RAB27B: variants seen among roughly 807,000 people sequenced by gnomAD.
RAB27B encodes ras-related protein Rab-27B.
A neutral mutation model predicts 24.6 loss-of-function variants in RAB27B; 15 were observed. That is an observed-to-expected ratio of 0.61 (90% CI 0.41 to 0.94). RAB27B has a LOEUF of 0.94. RAB27B is among the 40% of genes least tolerant of loss of function. The pLI, the probability that RAB27B is intolerant of heterozygous loss-of-function variation, is 0.00. For synonymous variants in RAB27B, 105 were observed against 92.5 expected, an observed-to-expected ratio of 1.14 and a Z score of -0.78; for missense variants, 261 against 266.8, an observed-to-expected ratio of 0.98 and a Z score of 0.15.
intron 2 of RAB27B, among the ~76,000 whole-genome samples, chr18:54,792,295 G>A (rs188312871): frequency 3.9e-5 from 6 of 152,200 alleles, no homozygotes; most frequent in African/African-American, 1.2e-4. Flanking sequence ...CACCCCCATC[G>A]CATGCCCTTT....
At chr18:54,801,018 T>G (rs1458504564) in intron 2 of RAB27B, among the ~76,000 whole-genome samples, 9 of 144,752 alleles carry the variant, frequency 6.2e-5, no homozygotes, top group East Asian at 4.0e-4. Flanking sequence ...GTTTTTTTTT[T>G]TTTTTTTTTT....
intron 2 of RAB27B, among the ~76,000 whole-genome samples, chr18:54,737,537 T>C (rs931008493): frequency 2.0e-5 from 3 of 152,186 alleles, no homozygotes; most frequent in African/African-American, 7.2e-5. Context: ...TAGGATATAT[T>C]TATCCAACTC....
In RAB27B at chr18:54,890,801, T is replaced by C. The variant is rs989210453; in HGVS notation, c.*1388T>C. ...AAAAACTGGCCAGTATTTTTGTTAA[T>C]GTAAAGCTTCCTTTTCTTTCTAAAA... is the stretch of plus-strand genomic sequence containing the variant. On this transcript the variant is annotated 3_prime_UTR_variant, in exon 6 of 6. Coordinates refer to ENST00000262094, the MANE Select transcript of RAB27B (RefSeq NM_004163.4). The C allele has an allele frequency of 8.5e-5, 13 of 152,148 alleles. No homozygotes were observed. Among genetic ancestry groups the C allele is most frequent in the African/African-American group, 2.9e-4 (12 of 41,446 alleles). The allele number at this position is 152,148 out of a possible 1,614,324, so 9.4% of individuals were successfully genotyped here.
At position 54,819,531 on chromosome 18, in the gene RAB27B, CA is replaced by C. The variant is rs33940922; in HGVS notation, c.-19-58020del. Among the ~76,000 whole-genome samples, 248 of 65,156 alleles carry C rather than the reference CA, an allele frequency of 3.8e-3. 3 individuals are homozygous for C. The highest frequency in any genetic ancestry group is 9.3e-3 in the Middle Eastern group (1 of 108). The allele number at this position is 65,156 out of a possible 152,430, so 42.7% of individuals were successfully genotyped here. A position where few individuals can be genotyped will look rare whatever the true frequency, so the allele number is the denominator to read the frequency against. On this transcript the variant is annotated intron_variant, in intron 2 of 4. Coordinates refer to the RAB27B transcript ENST00000586570. ...TGGGCGACAGAACAAGACTCCATCTCAAAAAAAAAAAAAAAAGAAAAAAAAA... is the reference window on the plus strand; with the variant it reads ...TGGGCGACAGAACAAGACTCCATCTCAAAAAAAAAAAAAAAGAAAAAAAAA...
At chr18:54,866,567 G>A (rs1489785360) in intron 1 of RAB27B, among the ~76,000 whole-genome samples, 1 of 152,214 alleles carries the variant, frequency 6.6e-6, no homozygotes, top group East Asian at 1.9e-4. Context: ...CAAAGTACTG[G>A]GATTACTGGC....
chr18:54,810,709 A>C (rs1909933185), intron 2 of RAB27B, among the ~76,000 whole-genome samples: 1 of 151,972 alleles, frequency 6.6e-6, no homozygotes, highest in South Asian at 2.1e-4. Flanking sequence ...GGGCACCTGT[A>C]ATCTCAGCTG....
intron 2 of RAB27B, among the ~76,000 whole-genome samples, chr18:54,777,050 AAATT>A (rs1908739390): frequency 6.6e-6 from 1 of 152,150 alleles, no homozygotes; most frequent in African/African-American, 2.4e-5. Flanking sequence ...TCTCAAAAAA[AAATT>A]AAAATAATAA....
Position 54,892,158 on chromosome 18 carries a change from C to T in RAB27B, c.*2745C>T, listed in dbSNP as rs778425628. On this transcript the variant is annotated 3_prime_UTR_variant, in exon 6 of 6. Transcript: ENST00000262094. ...ATATGTCCTGTTACTAAGTATCTCC[C>T]AATGCTTTAGTAAAACGTATTTAGG... 9 of 151,982 alleles carry T rather than the reference C, an allele frequency of 5.9e-5. No individual in the cohort carries two copies. Among genetic ancestry groups the T allele is most frequent in the Non-Finnish European group, 1.0e-4 (7 of 67,972 alleles). The allele number at this position is 151,982 out of a possible 1,614,324, so 9.4% of individuals were successfully genotyped here. A position where few individuals can be genotyped will look rare whatever the true frequency, so the allele number is the denominator to read the frequency against.
At chr18:54,733,453 T>C (rs1909788233) in intron 2 of RAB27B, among the ~76,000 whole-genome samples, 3 of 152,198 alleles carry the variant, frequency 2.0e-5, no homozygotes, top group Admixed American at 6.6e-5. Flanking sequence ...TCTGCCAGTG[T>C]AGAACTCTAC....
At chr18:54,885,387 A>G (rs1913090639) in intron 4 of RAB27B, among the ~76,000 whole-genome samples, 1 of 152,130 alleles carries the variant, frequency 6.6e-6, no homozygotes, top group Non-Finnish European at 1.5e-5. Context: ...TCACTTACCT[A>G]CAAGGTCACT....
chr18:54,762,048 G>A (rs766198311), intron 2 of RAB27B, among the ~76,000 whole-genome samples: 2 of 152,210 alleles, frequency 1.3e-5, no homozygotes, highest in African/African-American at 2.4e-5. Flanking sequence ...GAGATGTGAA[G>A]ACAGAGACAG....
intron 2 of RAB27B, among the ~76,000 whole-genome samples, chr18:54,795,762 G>T (rs972049450): frequency 6.6e-6 from 1 of 152,220 alleles, no homozygotes; most frequent in Non-Finnish European, 1.5e-5. Flanking sequence ...AGACTATTGG[G>T]TCAGTTTTGC....
At chr18:54,841,474 G>A (rs1911118870) in intron 1 of RAB27B, among the ~76,000 whole-genome samples, 2 of 152,122 alleles carry the variant, frequency 1.3e-5, no homozygotes, top group African/African-American at 4.8e-5. Flanking sequence ...TATCCACCGA[G>A]GGTCCTCGAA....
At chr18:54,727,339 G>A (rs929092295) in intron 2 of RAB27B, among the ~76,000 whole-genome samples, 2 of 152,122 alleles carry the variant, frequency 1.3e-5, no homozygotes, top group Non-Finnish European at 2.9e-5. Flanking sequence ...CAGAACAGTA[G>A]AGAGTCAGGT....
At chr18:54,759,938 A>G (rs28408557) in intron 2 of RAB27B, among the ~76,000 whole-genome samples, 68,593 of 151,992 alleles carry the variant, frequency 0.45, 17,312 homozygotes, top group Middle Eastern at 0.58. Flanking sequence ...AATCCTCTGC[A>G]TTTACCATCT....
chr18:54,862,818 T>A (rs1912059500), intron 1 of RAB27B, among the ~76,000 whole-genome samples: 1 of 152,224 alleles, frequency 6.6e-6, no homozygotes, highest in Admixed American at 6.5e-5. Context: ...TTTCAATTAC[T>A]CAGTCCTGAT....
intron 2 of RAB27B, among the ~76,000 whole-genome samples, chr18:54,780,918 CATT>C (rs1328383187): frequency 1.3e-5 from 2 of 152,170 alleles, no homozygotes; most frequent in African/African-American, 4.8e-5. Flanking sequence ...GCTAACAGCT[CATT>C]AGTAGTGTTC....
intron 2 of RAB27B, among the ~76,000 whole-genome samples, chr18:54,780,936 T>C (rs1908896586): frequency 6.6e-6 from 1 of 152,204 alleles, no homozygotes; most frequent in Non-Finnish European, 1.5e-5. Flanking sequence ...GTGTTCTACA[T>C]AGCCTTATAT....
chr18:54,833,431 T>C (rs1397335841), intron 1 of RAB27B, among the ~76,000 whole-genome samples: 1 of 152,098 alleles, frequency 6.6e-6, no homozygotes, highest in Non-Finnish European at 1.5e-5. Flanking sequence ...TTCACCATAT[T>C]GGCTAGGCTG....
Sources: allele counts gnomAD v4.1 joint callset (sites outside exome capture counted in the v4.1 genomes callset), GRCh38; gene constraint gnomAD v4.1.1; transcripts MANE v1.5; gene names NCBI Gene and HGNC (gene_info 2026-07-23, HGNC 2026-07-21).